PDE10A: variants seen among roughly 807,000 people sequenced by gnomAD.
PDE10A encodes phosphodiesterase 10A, also known as cAMP and cAMP-inhibited cGMP 3',5'-cyclic phosphodiesterase 10A.
Under a neutral mutation model 97.7 loss-of-function variants are expected in PDE10A, and 39 were observed. The observed-to-expected ratio is 0.40, with a 90% CI of 0.31 to 0.52. PDE10A has a LOEUF of 0.52. Ranked by LOEUF, PDE10A falls within the 20% of genes least tolerant of loss-of-function variation. The pLI is 0.56. For synonymous variants in PDE10A, 371 were observed against 376.8 expected (o/e 0.98, Z 0.18); for missense variants, 731 against 1,047.8 (o/e 0.70, Z 4.17).
intron 5 of PDE10A, among the ~76,000 whole-genome samples, chr6:165,446,992 C>A (rs1363979197): frequency 6.6e-6 from 1 of 151,708 alleles, no homozygotes; most frequent in African/African-American, 2.4e-5. Flanking sequence ...CAAATTGATA[C>A]ATAAAATTAC....
intron 1 of PDE10A, among the ~76,000 whole-genome samples, chr6:165,863,559 T>C (rs1780962869): frequency 6.6e-6 from 1 of 152,222 alleles, no homozygotes; most frequent in African/African-American, 2.4e-5. Flanking sequence ...TTCATTTCCT[T>C]TCTCCCATTT....
chr6:165,478,057 C>T (rs1309828820), intron 3 of PDE10A, among the ~76,000 whole-genome samples: 1 of 152,142 alleles, frequency 6.6e-6, no homozygotes, highest in Non-Finnish European at 1.5e-5. Flanking sequence ...CCACGAACTC[C>T]CAAATGCATA....
At chr6:165,865,616 C>T (rs1157489480) in intron 1 of PDE10A, among the ~76,000 whole-genome samples, 1 of 151,744 alleles carries the variant, frequency 6.6e-6, no homozygotes, top group African/African-American at 2.4e-5. Flanking sequence ...AATATAAATC[C>T]TCAAATTTAA....
chr6:165,661,680 C>T lies in PDE10A; in HGVS notation c.865+267G>A, dbSNP rs1790272248. 3 of 432,092 alleles carry T rather than the reference C, an allele frequency of 6.9e-6. No individual in the cohort carries two copies. Among genetic ancestry groups the T allele is most frequent in the Non-Finnish European group, 1.2e-5 (3 of 246,878 alleles). 26.8% of individuals were successfully genotyped at this position (432,092 alleles called of 1,614,324 possible). A position where few individuals can be genotyped will look rare whatever the true frequency, so the allele number is the denominator to read the frequency against. On this transcript the variant is annotated intron_variant, in intron 1 of 21. Transcript: ENST00000539869. This position sits in a 1 kb window ranked among gnomAD's most constrained non-coding sequence, Gnocchi z 4.8. The stretch of plus-strand genomic sequence containing the variant: ...GGCGGCAGGTCCCGCTCGCAACGTC[C>T]AAGCTCCCGCCGCCCTCCCGAGCCG...
At position 165,750,531 on chromosome 6, in the gene PDE10A, C is replaced by T. The variant is rs114002234; in HGVS notation, c.-614-206963G>A. Reference sequence around the variant, plus strand: ...GCCTGGACCTCAGACTTGTCAAGGGCGAATTTATTTCCCCACCCGGAGAGT... The same window carrying T: ...GCCTGGACCTCAGACTTGTCAAGGGTGAATTTATTTCCCCACCCGGAGAGT... On this transcript the variant is annotated intron_variant, in intron 1 of 19. Coordinates refer to the PDE10A transcript ENST00000366882. Among the ~76,000 whole-genome samples the T allele has an allele frequency of 7.5e-3, 1,143 of 152,164 alleles. 22 individuals carry two copies. The highest frequency in any genetic ancestry group is 0.026 in the African/African-American group (1,070 of 41,502).
At chr6:165,924,483 G>C (rs999904642) in intron 1 of PDE10A, among the ~76,000 whole-genome samples, 2 of 151,948 alleles carry the variant, frequency 1.3e-5, no homozygotes, top group South Asian at 2.1e-4. Context: ...ATCTCTCTCT[G>C]TGTGTACCAT....
intron 2 of PDE10A, among the ~76,000 whole-genome samples, chr6:165,516,464 T>C (rs1289194466): frequency 6.6e-6 from 1 of 152,190 alleles, no homozygotes; most frequent in African/African-American, 2.4e-5. Flanking sequence ...CTCCTGCCCC[T>C]GTTTTTATGG....
At chr6:165,610,139 T>C (rs570603881) in intron 1 of PDE10A, among the ~76,000 whole-genome samples, 7 of 152,308 alleles carry the variant, frequency 4.6e-5, no homozygotes, top group Admixed American at 2.6e-4. Context: ...CAAAACAGCA[T>C]GGTACTGGTA....
At chr6:165,397,450 T>C (rs1300413178) in intron 13 of PDE10A, among the ~76,000 whole-genome samples, 2 of 152,112 alleles carry the variant, frequency 1.3e-5, no homozygotes, top group African/African-American at 4.8e-5. Context: ...TCACTCACCC[T>C]TGTAATCCCA....
At chr6:165,571,360 G>A (rs1785041767) in intron 1 of PDE10A, among the ~76,000 whole-genome samples, 1 of 152,136 alleles carries the variant, frequency 6.6e-6, no homozygotes, top group Non-Finnish European at 1.5e-5. Context: ...GGGAAACCTA[G>A]GAATTCAAGT....
chr6:165,692,769 C>T (rs573974960), intron 1 of PDE10A, among the ~76,000 whole-genome samples: 147 of 152,242 alleles, frequency 9.7e-4, no homozygotes, highest in African/African-American at 3.5e-3. Context: ...CATTTTAAAT[C>T]ATATTGTATC....
At chr6:165,603,848 T>A (rs908582568) in intron 1 of PDE10A, among the ~76,000 whole-genome samples, 1 of 152,208 alleles carries the variant, frequency 6.6e-6, no homozygotes, top group Admixed American at 6.5e-5. Flanking sequence ...AGGGAACGGA[T>A]GAATAAAAGG....
intron 18 of PDE10A, among the ~76,000 whole-genome samples, chr6:165,375,157 A>G (rs1784537102): frequency 6.6e-6 from 1 of 152,184 alleles, no homozygotes; most frequent in Non-Finnish European, 1.5e-5. Flanking sequence ...TTCAAGTGAA[A>G]AAAAGTCATA....
Position 165,793,044 on chromosome 6 carries a change from C to A in PDE10A, c.-615+194485G>T, listed in dbSNP as rs1201157799. 5.3e-5 allele frequency among the ~76,000 whole-genome samples: 8 copies of A among 152,104 alleles called. No individual in the cohort carries two copies. In the East Asian group the frequency reaches 1.4e-3, roughly 26 times the overall value. On this transcript the variant is annotated intron_variant, in intron 1 of 19. Transcript: ENST00000366882. ...ATTTCATAATGCAGATTCAAATGCT[C>A]AAAAATAACACAATGTGTATGAAAA...
At chr6:165,423,756 T>G (rs546243953) in intron 10 of PDE10A, among the ~76,000 whole-genome samples, 1 of 151,350 alleles carries the variant, frequency 6.6e-6, no homozygotes, top group South Asian at 2.1e-4. Context: ...TCCCAGCTAC[T>G]CGGGAGGCTG....
intron 1 of PDE10A, among the ~76,000 whole-genome samples, chr6:165,738,078 C>T (rs750989241): frequency 1.2e-3 from 187 of 151,482 alleles, no homozygotes; most frequent in South Asian, 8.6e-3. Flanking sequence ...TAGTTACATA[C>T]GTATACATGT....
rs190444922 is a variant in PDE10A at position 165,918,742 on chromosome 6, T to G, written c.-615+68787A>C. Among the ~76,000 whole-genome samples the G allele has an allele frequency of 2.1e-3, 312 of 151,808 alleles. 2 individuals carry two copies. Among genetic ancestry groups the G allele is most frequent in the Non-Finnish European group, 2.2e-3 (149 of 67,948 alleles). ...GAAAATTGCCCAAGTGGACCTCATT[T>G]CTCCTGCACAGGTTTCACCTCTGGA... On this transcript the variant is annotated intron_variant, in intron 1 of 19. Transcript: ENST00000366882.
intron 1 of PDE10A, among the ~76,000 whole-genome samples, chr6:165,642,423 T>C (rs186412307): frequency 1.1e-3 from 160 of 152,292 alleles, no homozygotes; most frequent in African/African-American, 3.6e-3. Flanking sequence ...TCAGGCTGTA[T>C]TTAGGAGGGA....
At chr6:165,699,554 C>T (rs1448945891) in intron 1 of PDE10A, among the ~76,000 whole-genome samples, 1 of 152,134 alleles carries the variant, frequency 6.6e-6, no homozygotes, top group Non-Finnish European at 1.5e-5. Flanking sequence ...CTCAAGAGCA[C>T]TGGGGACATT....
Sources: gnomAD v4.1 joint callset for allele counts (sites outside exome capture counted in the v4.1 genomes callset) on GRCh38, gnomAD v4.1.1 for gene constraint, Gnocchi (gnomAD v3.1) non-coding constraint, MANE v1.5 for transcripts, NCBI Gene and HGNC (gene_info 2026-07-23, HGNC 2026-07-21) for gene names.